The following DLG2 variants were observed in gnomAD, a reference collection of about 807,000 sequenced individuals.
The protein encoded by DLG2 is discs large MAGUK scaffold protein 2.
A neutral mutation model predicts 132.5 loss-of-function variants in DLG2; 45 were observed. The observed-to-expected ratio is 0.34, with a 90% CI of 0.27 to 0.44. DLG2 has a LOEUF of 0.44. DLG2 is among the 20% of genes least tolerant of loss of function. DLG2 has a pLI of 1.00. For synonymous variants in DLG2, 424 were observed against 419.6 expected, an observed-to-expected ratio of 1.01 and a Z score of -0.13; for missense variants, 1,045 against 1,196.9, an observed-to-expected ratio of 0.87 and a Z score of 1.87.
At chr11:84,494,821 T>G (rs1442168144) in intron 7 of DLG2, among the ~76,000 whole-genome samples, 3 of 152,162 alleles carry the variant, frequency 2.0e-5, no homozygotes, top group African/African-American at 7.2e-5. Context: ...CCAAGTTGAC[T>G]TGCTGCAACA....
chr11:83,881,887 T>C (rs979002312), intron 15 of DLG2, among the ~76,000 whole-genome samples: 1 of 152,146 alleles, frequency 6.6e-6, no homozygotes, highest in African/African-American at 2.4e-5. Flanking sequence ...CTATCAAGAG[T>C]AAGTTTTCTG....
chr11:84,647,729 G>A (rs2099676692), intron 6 of DLG2, among the ~76,000 whole-genome samples: 1 of 152,180 alleles, frequency 6.6e-6, no homozygotes, highest in African/African-American at 2.4e-5. Context: ...AGTTGGTTCA[G>A]TAACCTCTGT....
chr11:85,317,334 A>C (rs2152817649), intron 3 of DLG2, among the ~76,000 whole-genome samples: 1 of 152,068 alleles, frequency 6.6e-6, no homozygotes, highest in African/African-American at 2.4e-5. Context: ...CGAGAAACTA[A>C]CATGCCAACT....
At chr11:83,543,645 T>C (rs2096151284) in intron 19 of DLG2, among the ~76,000 whole-genome samples, 1 of 152,140 alleles carries the variant, frequency 6.6e-6, no homozygotes, top group African/African-American at 2.4e-5. Context: ...AGTTGCTGTA[T>C]GGGTAAAATG....
rs188229538 is a variant in DLG2 at position 85,161,979 on chromosome 11, C to T, written c.187-7328G>A. Among the ~76,000 whole-genome samples, 6 of 152,184 alleles carry T rather than the reference C, an allele frequency of 3.9e-5. No homozygotes were observed. In the East Asian group the frequency reaches 1.2e-3, roughly 29 times the overall value. ...GTGATCCACTAGCAAAATTTTTGCC[C>T]CTGTTCCTGCAACATTACGTTCTGC... On this transcript the variant is annotated intron_variant, in intron 4 of 27. Transcript: ENST00000376104.
chr11:83,800,526 T>C (rs562414569), intron 17 of DLG2, among the ~76,000 whole-genome samples: 5 of 152,220 alleles, frequency 3.3e-5, no homozygotes, highest in Non-Finnish European at 7.3e-5. Flanking sequence ...TCTGACAGTA[T>C]ATGCATTACA....
intron 5 of DLG2, among the ~76,000 whole-genome samples, chr11:85,140,688 A>T (rs2076410033): frequency 6.6e-6 from 1 of 151,374 alleles, no homozygotes; most frequent in Non-Finnish European, 1.5e-5. Flanking sequence ...CCATCTAACT[A>T]TACTTTTATA....
intron 18 of DLG2, chr11:83,645,942 A>G (rs2068028588): frequency 6.6e-6 from 1 of 152,126 alleles, no homozygotes; most frequent in African/African-American, 2.4e-5. Context: ...CATGCTTTAA[A>G]TCCAAGAGCC....
intron 6 of DLG2, among the ~76,000 whole-genome samples, chr11:84,914,901 TAAAC>T (rs2092356487): frequency 6.6e-6 from 1 of 152,208 alleles, no homozygotes; most frequent in African/African-American, 2.4e-5. Flanking sequence ...TCATAAATAC[TAAAC>T]AAACATTAGT....
chr11:85,114,952 T>C (rs554597412), intron 5 of DLG2, among the ~76,000 whole-genome samples: 3 of 152,088 alleles, frequency 2.0e-5, no homozygotes, highest in Admixed American at 2.0e-4. Flanking sequence ...GAGTGAGAGA[T>C]GATTCATACA....
At chr11:84,368,941 T>A (rs1209506166) in intron 7 of DLG2, among the ~76,000 whole-genome samples, 28 of 152,160 alleles carry the variant, frequency 1.8e-4, no homozygotes, top group Admixed American at 1.8e-3. Flanking sequence ...GCATAATAAC[T>A]AGTAGCTACT....
At chr11:84,452,469 G>A (rs2099054334) in intron 7 of DLG2, among the ~76,000 whole-genome samples, 1 of 151,606 alleles carries the variant, frequency 6.6e-6, no homozygotes, top group South Asian at 2.1e-4. Context: ...TTGACTCTAG[G>A]GGATCAAGGC....
intron 8 of DLG2, among the ~76,000 whole-genome samples, chr11:84,220,780 C>CTTTTTTTTTTTTTTTTTTTTTT (rs5793114): frequency 4.8e-4 from 37 of 77,540 alleles, no homozygotes; most frequent in African/African-American, 8.2e-4. Flanking sequence ...TTTTTCTTTT[C>CTTTTTTTTTTTTTTTTTTTTTT]TTTTTTTTTT....
intron 3 of DLG2, among the ~76,000 whole-genome samples, chr11:85,516,811 C>A (rs947505578): frequency 6.6e-6 from 1 of 151,846 alleles, no homozygotes; most frequent in South Asian, 2.1e-4. Context: ...AACCCAGGAC[C>A]GGAGGGATTC....
At chr11:85,562,755 A>G (rs188507734) in intron 3 of DLG2, among the ~76,000 whole-genome samples, 47 of 151,850 alleles carry the variant, frequency 3.1e-4, no homozygotes, top group African/African-American at 1.1e-3. Context: ...ATTCATTCCC[A>G]TCTGCTGAGC....
intron 3 of DLG2, among the ~76,000 whole-genome samples, chr11:85,299,364 T>C (rs1400235106): frequency 6.6e-6 from 1 of 152,158 alleles, no homozygotes; most frequent in Admixed American, 6.5e-5. Flanking sequence ...TAGATTTTCT[T>C]TGTTTTGCTC....
At chr11:84,570,584 T>C (rs1174654102) in intron 6 of DLG2, among the ~76,000 whole-genome samples, 1 of 152,108 alleles carries the variant, frequency 6.6e-6, no homozygotes. Context: ...AAGAACGACA[T>C]ACTTGGAATC....
chr11:84,135,953 G>A (rs1358824762), intron 9 of DLG2, among the ~76,000 whole-genome samples: 1 of 152,078 alleles, frequency 6.6e-6, no homozygotes, highest in Non-Finnish European at 1.5e-5. Flanking sequence ...GGGTAGTTGT[G>A]TCTGGGAAAA....
intron 6 of DLG2, among the ~76,000 whole-genome samples, chr11:84,550,321 A>T (rs1344137059): frequency 6.6e-6 from 1 of 152,072 alleles, no homozygotes; most frequent in Admixed American, 6.6e-5. Context: ...ACTTCTCTTG[A>T]TCCAGTGCCT....
Sources: gnomAD v4.1 joint callset for allele counts (sites outside exome capture counted in the v4.1 genomes callset) on GRCh38, gnomAD v4.1.1 for gene constraint, MANE v1.5 for transcripts, NCBI Gene and HGNC (gene_info 2026-07-23, HGNC 2026-07-21) for gene names.